SPG11: variants seen among roughly 807,000 people sequenced by gnomAD.
SPG11 encodes SPG11 vesicle trafficking associated, spatacsin, also known as spatacsin.
A neutral mutation model predicts 274.0 loss-of-function variants in SPG11; 222 were observed. That is an observed-to-expected ratio of 0.81 (90% CI 0.73 to 0.91). The LOEUF (loss-of-function observed/expected upper bound fraction) is 0.91, where lower values mean the gene tolerates loss of function less well. Among genes scored for constraint, SPG11 ranks in the 40% least tolerant of loss-of-function variants. The pLI is 0.00. For synonymous variants in SPG11, 1,144 were observed against 1,039.7 expected (o/e 1.10, Z -1.93); for missense variants, 3,114 against 2,872.7 (o/e 1.08, Z -1.92).
intron 18 of SPG11, among the ~76,000 whole-genome samples, chr15:44,610,349 T>C (rs779083852): frequency 2.0e-5 from 3 of 151,832 alleles, no homozygotes; most frequent in Non-Finnish European, 4.4e-5. Context: ...CCACCGCACT[T>C]GGCTTCATTC....
intron 2 of SPG11, 62 bp downstream of exon 2, chr15:44,660,370 A>T: frequency 1.4e-6 from 2 of 1,478,588 alleles, no homozygotes; most frequent in Admixed American, 3.3e-5. Flanking sequence ...TTCCTGAAGT[A>T]TGTAACTACA....
At chr15:44,652,049 A>T in intron 5 of SPG11, 80 bp downstream of exon 5, 1 of 1,587,910 alleles carries the variant, frequency 6.3e-7, no homozygotes, top group Non-Finnish European at 8.6e-7. Context: ...CTATCAAATA[A>T]AGACCTTTAA....
intron 4 of SPG11, among the ~76,000 whole-genome samples, chr15:44,654,401 G>T (rs1201862375): frequency 6.6e-6 from 1 of 151,970 alleles, no homozygotes; most frequent in Admixed American, 6.6e-5. Flanking sequence ...CCAGCTACTT[G>T]GGAGGCTGAG....
Position 44,596,130 on chromosome 15 carries a change from C to G in SPG11, c.4387G>C (p.Val1463Leu). ...CTGAGGATAGGGGCCTGTTGTTTCA[C>G]TGCTTCAACCAGAAGCCAGTGCCAG... ...DSWHWLLVEAVKQQAPILSVL... is the reference protein window; with the variant it reads ...DSWHWLLVEALKQQAPILSVL... The change falls in exon 25 of 40, where the codon GTG becomes CTG. Residue 1463 changes from valine (V) to leucine (L), a missense_variant. Transcript: ENST00000261866. The G allele has an allele frequency of 6.2e-7, 1 of 1,614,068 alleles. No homozygotes were observed. Among genetic ancestry groups the G allele is most frequent in the East Asian group, 2.2e-5 (1 of 44,882 alleles).
At chr15:44,614,068 C>T (rs1470879316) in intron 16 of SPG11, among the ~76,000 whole-genome samples, 1 of 152,124 alleles carries the variant, frequency 6.6e-6, no homozygotes. Context: ...AAAAAGCTTA[C>T]ACAACTACAG....
chr15:44,639,469 C>T (rs925131449), intron 7 of SPG11, among the ~76,000 whole-genome samples: 4 of 151,958 alleles, frequency 2.6e-5, no homozygotes, highest in African/African-American at 2.4e-5. Context: ...TTCTGAAGGT[C>T]GAGGAGGGAG....
intron 11 of SPG11, among the ~76,000 whole-genome samples, chr15:44,624,598 T>G (rs1255388085): frequency 6.6e-6 from 1 of 152,178 alleles, no homozygotes; most frequent in Non-Finnish European, 1.5e-5. Context: ...TCTGGAGACC[T>G]ATGTACAGCA....
chr15:44,613,683 T>C (rs1656110059), intron 16 of SPG11, 147 bp from the exon 17 acceptor site: 1 of 603,830 alleles, frequency 1.7e-6, no homozygotes, highest in Non-Finnish European at 3.0e-6. Context: ...CACTCTTGTG[T>C]TGTATTTTAC....
chr15:44,572,061 T>C (rs1345539246), intron 33 of SPG11, among the ~76,000 whole-genome samples: 1 of 152,254 alleles, frequency 6.6e-6, no homozygotes, highest in Non-Finnish European at 1.5e-5. Flanking sequence ...CTCAAAAGCA[T>C]TGGGATTACA....
chr15:44,636,575 T>A (rs1046752098), intron 7 of SPG11, among the ~76,000 whole-genome samples: 1 of 151,030 alleles, frequency 6.6e-6, no homozygotes, highest in South Asian at 2.1e-4. Flanking sequence ...GGCAGGAAAA[T>A]AGCGTGAACC....
chr15:44,660,296 T>C (rs1295535728), intron 2 of SPG11, 136 bp downstream of exon 2: 4 of 701,148 alleles, frequency 5.7e-6, no homozygotes, highest in African/African-American at 3.5e-5. Flanking sequence ...AAGTGCTCAA[T>C]AGCCCCATCT....
Position 44,606,047 on chromosome 15 carries a change from A to C in SPG11, c.3498T>G (p.Ser1166=), listed in dbSNP as rs753557713. 2 of 1,613,796 alleles carry C rather than the reference A, an allele frequency of 1.2e-6. No individual in the cohort carries two copies. The highest frequency in any genetic ancestry group is 1.7e-6 in the Non-Finnish European group (2 of 1,179,780). Residue 1166 remains serine (S), a synonymous_variant, in exon 20 of 40, where the codon TCT becomes TCG. Transcript: ENST00000261866. ...FDPSRLFGWQ[S]ANTLAIGDAW... ...TACCTCCTATAGCTAGTGTGTTAGC[A>C]GACTGCCAGCCAAACAATCTGCTAG...
Position 44,628,812 on chromosome 15 carries a change from T to C in SPG11, c.1924A>G (p.Ile642Val), listed in dbSNP as rs2083975550. 1.2e-6 allele frequency: 2 copies of C among 1,613,526 alleles called. No homozygotes were observed. The highest frequency in any genetic ancestry group is 2.2e-5 in the South Asian group (2 of 91,082). The change falls in exon 10 of 40, where the codon ATT (isoleucine) becomes GTT (valine). Residue 642 changes from isoleucine (I) to valine (V), a missense_variant. By Grantham distance (29) the Ile-to-Val change is conservative. Coordinates refer to ENST00000261866, the MANE Select transcript of SPG11 (RefSeq NM_025137.4). ...LDEHLQKGVN[I>V]LTSYINELRT... ...AGTTCATTAATGTAGCTAGTCAAAA[T>C]GTTCACTCCTTTTTGCAGATGTTCA...
chr15:44,575,123 C>T, intron 30 of SPG11, 82 bp from the exon 31 acceptor site: 1 of 1,560,198 alleles, frequency 6.4e-7, no homozygotes. Flanking sequence ...TACCTCTCTG[C>T]TTGAAGCTCC....
At chr15:44,613,621 A>G in intron 16 of SPG11, 85 bp from the exon 17 acceptor site, 1 of 817,302 alleles carries the variant, frequency 1.2e-6, no homozygotes, top group Non-Finnish European at 2.0e-6. Flanking sequence ...GATGATTAGC[A>G]TTTAAAAAAA....
At chr15:44,624,306 A>C (rs191963614) in intron 11 of SPG11, among the ~76,000 whole-genome samples, 3 of 151,516 alleles carry the variant, frequency 2.0e-5, no homozygotes, top group African/African-American at 7.3e-5. Flanking sequence ...TGGGCAACAT[A>C]GTGAGACCCT....
rs35831490 is a variant in SPG11, at chr15:44,611,091, T to TAAAAAAAAAAAAAAAA, written c.3146-122_3146-107dup. 2.1e-4 allele frequency: 15 copies of TAAAAAAAAAAAAAAAA among 70,100 alleles called. 1 individual carries two copies. The highest frequency in any genetic ancestry group is 1.4e-3 in the East Asian group (4 of 2,904). 4.3% of individuals were successfully genotyped at this position (70,100 alleles called of 1,614,324 possible). On this transcript the variant is annotated intron_variant, in intron 17 of 39. Transcript: ENST00000261866. Reference sequence around the variant, plus strand: ...CATAAATTTTTAACTCTATCCCCAGTAAAAAAAAAAAAAAAAAAAAAAAAA... The same window carrying TAAAAAAAAAAAAAAAA: ...CATAAATTTTTAACTCTATCCCCAGTAAAAAAAAAAAAAAAAAAAAAAAAAAAAAAAAAAAAAAAAA...
At chr15:44,593,569 T>C (rs2082955936) in intron 26 of SPG11, among the ~76,000 whole-genome samples, 1 of 152,170 alleles carries the variant, frequency 6.6e-6, no homozygotes, top group Non-Finnish European at 1.5e-5. Flanking sequence ...CACTGATTCA[T>C]ACATTTTATT....
At chr15:44,590,951 A>G (rs1238693765) in intron 27 of SPG11, 4 of 152,178 alleles carry the variant, frequency 2.6e-5, no homozygotes, top group African/African-American at 7.2e-5. Context: ...ATTCCCTTCA[A>G]TGGAATTCTC....
Sources: allele counts gnomAD v4.1 joint callset (sites outside exome capture counted in the v4.1 genomes callset), GRCh38; gene constraint gnomAD v4.1.1; transcripts MANE v1.5; gene names NCBI Gene and HGNC (gene_info 2026-07-23, HGNC 2026-07-21).